Variants in PARD3B observed in about 807,000 individuals in gnomAD.
PARD3B encodes the protein par-3 family cell polarity regulator beta.
In PARD3B, 103 loss-of-function variants were observed where a neutral mutation model predicts 130.2. That is an observed-to-expected ratio of 0.79 (90% confidence interval 0.67 to 0.93). The LOEUF (loss-of-function observed/expected upper bound fraction) is 0.93. PARD3B is among the 40% of genes least tolerant of loss of function. The pLI is 0.00. For synonymous variants in PARD3B, 583 were observed against 553.2 expected (o/e 1.05, Z -0.76); for missense variants, 1,609 against 1,499.2 (o/e 1.07, Z -1.21).
chr2:205,198,362 A>G (rs999458113), intron 15 of PARD3B, among the ~76,000 whole-genome samples: 3 of 152,200 alleles, frequency 2.0e-5, no homozygotes, highest in African/African-American at 7.2e-5. Flanking sequence ...GACAATGAAG[A>G]TTGTTAACAT....
At chr2:205,231,461 G>C (rs1006571746) in intron 15 of PARD3B, among the ~76,000 whole-genome samples, 1 of 151,576 alleles carries the variant, frequency 6.6e-6, no homozygotes, top group Non-Finnish European at 1.5e-5. Flanking sequence ...TGAGTAGCTG[G>C]GACCACAGGC....
intron 3 of PARD3B, among the ~76,000 whole-genome samples, chr2:205,024,613 C>A (rs994415538): frequency 1.1e-4 from 17 of 152,110 alleles, no homozygotes; most frequent in Non-Finnish European, 2.4e-4. Flanking sequence ...TGGTAGGACA[C>A]TATTATTTAA....
At chr2:205,266,572 A>G (rs1447752800) in intron 16 of PARD3B, among the ~76,000 whole-genome samples, 1 of 152,126 alleles carries the variant, frequency 6.6e-6, no homozygotes, top group East Asian at 1.9e-4. Context: ...GAACACTGAA[A>G]GTACTCAGTC....
chr2:204,846,754 A>T (rs1575122178), intron 2 of PARD3B, among the ~76,000 whole-genome samples: 2 of 151,272 alleles, frequency 1.3e-5, no homozygotes, highest in African/African-American at 4.9e-5. Flanking sequence ...CAGATGACAC[A>T]TTACCTCCTT....
chr2:204,782,850 G>A (rs1344020490), intron 2 of PARD3B, among the ~76,000 whole-genome samples: 1 of 152,016 alleles, frequency 6.6e-6, no homozygotes, highest in Non-Finnish European at 1.5e-5. Context: ...TTTCCATACT[G>A]TTGGTTATTA....
At chr2:204,810,855 A>G (rs2042937440) in intron 2 of PARD3B, among the ~76,000 whole-genome samples, 1 of 151,994 alleles carries the variant, frequency 6.6e-6, no homozygotes, top group Non-Finnish European at 1.5e-5. Context: ...CTCCTCTTCA[A>G]TTTTTTGGAA....
chr2:204,968,852 T>C (rs2125169516), intron 3 of PARD3B, among the ~76,000 whole-genome samples: 1 of 152,368 alleles, frequency 6.6e-6, no homozygotes, highest in African/African-American at 2.4e-5. Context: ...CCCTATAAGC[T>C]GATGGGGTAT....
At chr2:205,136,505 A>G (rs929069911) in intron 10 of PARD3B, among the ~76,000 whole-genome samples, 7 of 152,292 alleles carry the variant, frequency 4.6e-5, no homozygotes, top group East Asian at 1.9e-4. Context: ...ATTGGAGCCT[A>G]TGGTTCCCGG....
At chr2:204,991,919 G>A (rs1045756748) in intron 3 of PARD3B, among the ~76,000 whole-genome samples, 1 of 150,326 alleles carries the variant, frequency 6.7e-6, no homozygotes, top group African/African-American at 2.4e-5. Context: ...CTTTTTGATG[G>A]GGTTGTTTGT....
intron 21 of PARD3B, among the ~76,000 whole-genome samples, chr2:205,505,101 G>A (rs2050303278): frequency 6.6e-6 from 1 of 152,170 alleles, no homozygotes; most frequent in Admixed American, 6.5e-5. Context: ...GGACATGGAT[G>A]AAGCTGGAAA....
In PARD3B at chr2:205,372,114, A is replaced by G. The variant is rs1422120978; in HGVS notation, c.2631-28899A>G. Among the ~76,000 whole-genome samples the G allele has an allele frequency of 5.9e-5, 9 of 152,272 alleles. No homozygotes were observed. The South Asian group carries it at 1.4e-3, about 25-fold the overall frequency. On this transcript the variant is annotated intron_variant, in intron 18 of 22. Coordinates refer to ENST00000406610, the MANE Select transcript of PARD3B (RefSeq NM_001302769.2). Reference sequence around the variant, plus strand: ...TTTGTCTATTGTAAATAATAATGCTATGAATATTCGTGTACAAATTTTGCA... The same window carrying G: ...TTTGTCTATTGTAAATAATAATGCTGTGAATATTCGTGTACAAATTTTGCA...
chr2:204,835,897 G>T (rs571169372), intron 2 of PARD3B, among the ~76,000 whole-genome samples: 53 of 152,288 alleles, frequency 3.5e-4, no homozygotes, highest in African/African-American at 1.3e-3. Flanking sequence ...CTAAGCTATG[G>T]CGTGTTCTGT....
chr2:205,113,984 G>A (rs1269614350), intron 6 of PARD3B, among the ~76,000 whole-genome samples: 1 of 151,990 alleles, frequency 6.6e-6, no homozygotes, highest in Non-Finnish European at 1.5e-5. Context: ...CTTCAAGTAT[G>A]TAGCATTTAG....
intron 1 of PARD3B, among the ~76,000 whole-genome samples, chr2:204,590,929 A>G (rs779491791): frequency 4.6e-5 from 7 of 152,216 alleles, no homozygotes; most frequent in Non-Finnish European, 8.8e-5. Context: ...TGTTTTAAAG[A>G]TAGGCAGTGA....
rs1014598286 is a variant in PARD3B at position 204,678,361 on chromosome 2, C to T, written c.121-7820C>T. 1.3e-5 allele frequency among the ~76,000 whole-genome samples: 2 copies of T among 152,142 alleles called. No homozygotes were observed. The highest frequency in any genetic ancestry group is 4.8e-5 in the African/African-American group (2 of 41,420). ...CTTCAACAGAGAGCTAAGCCTTAACCAGCTCAGTGGAGAGTCAGGGTGACA... is the reference window on the plus strand; with the variant it reads ...CTTCAACAGAGAGCTAAGCCTTAACTAGCTCAGTGGAGAGTCAGGGTGACA... On this transcript the variant is annotated intron_variant, in intron 1 of 22. Coordinates refer to ENST00000406610, the MANE Select transcript of PARD3B (RefSeq NM_001302769.2). The surrounding 1 kb of genome is among the most constrained non-coding windows in gnomAD (Gnocchi z 4.2).
rs1255303978 is a variant in PARD3B at position 205,018,482 on chromosome 2, A to G, written c.395-29099A>G. On this transcript the variant is annotated intron_variant, in intron 3 of 22. Coordinates refer to ENST00000406610, the MANE Select transcript of PARD3B (RefSeq NM_001302769.2). ...AGTTTTCTGATCTGCAAATAAGAGC[A>G]TTGGACTTGATGAAGTGTTTTCAGT... 3.3e-5 allele frequency among the ~76,000 whole-genome samples: 5 copies of G among 152,108 alleles called. 1 individual carries two copies. The highest frequency in any genetic ancestry group is 5.9e-5 in the Non-Finnish European group (4 of 68,006).
At chr2:204,688,530 A>G (rs1007948824) in intron 2 of PARD3B, among the ~76,000 whole-genome samples, 1 of 151,318 alleles carries the variant, frequency 6.6e-6, no homozygotes, top group Non-Finnish European at 1.5e-5. Flanking sequence ...CAGTGAGCCA[A>G]GATCACACCA....
chr2:205,133,747 A>T (rs1349046188), intron 10 of PARD3B, among the ~76,000 whole-genome samples: 1 of 152,182 alleles, frequency 6.6e-6, no homozygotes, highest in Non-Finnish European at 1.5e-5. Context: ...AGTGCAATGC[A>T]GTTACCCAAC....
chr2:204,811,572 G>T, intron 2 of PARD3B, among the ~76,000 whole-genome samples: 1 of 152,160 alleles, frequency 6.6e-6, no homozygotes, highest in South Asian at 2.1e-4. Context: ...CTAGGTTCCT[G>T]ATGAGGAAGC....
Sources: gnomAD v4.1 joint callset for allele counts (sites outside exome capture counted in the v4.1 genomes callset) on GRCh38, gnomAD v4.1.1 for gene constraint, Gnocchi (gnomAD v3.1) non-coding constraint, MANE v1.5 for transcripts, NCBI Gene and HGNC (gene_info 2026-07-23, HGNC 2026-07-21) for gene names.